SLC25A21: variants seen among roughly 807,000 people sequenced by gnomAD.
SLC25A21 encodes the protein solute carrier family 25 member 21, also known as mitochondrial 2-oxodicarboxylate carrier.
A neutral mutation model predicts 43.8 loss-of-function variants in SLC25A21; 47 were observed. The ratio of observed to expected loss-of-function variants is 1.07; its 90% CI spans 0.85 to 1.37. The LOEUF (loss-of-function observed/expected upper bound fraction) is 1.37. Ranked by LOEUF, SLC25A21 falls within the 40% of genes most tolerant of loss-of-function variation. SLC25A21 has a pLI of 0.00. For synonymous variants in SLC25A21, 131 were observed against 121.3 expected (o/e 1.08, Z -0.52); for missense variants, 352 against 350.2 (o/e 1.00, Z -0.04).
intron 1 of SLC25A21, among the ~76,000 whole-genome samples, chr14:36,959,737 A>T (rs776015866): frequency 7.2e-5 from 11 of 152,166 alleles, no homozygotes; most frequent in Non-Finnish European, 1.3e-4. Flanking sequence ...CGGTAAACAG[A>T]CCAACACATG....
At chr14:37,073,429 T>G (rs1028008587) in intron 1 of SLC25A21, among the ~76,000 whole-genome samples, 7 of 152,198 alleles carry the variant, frequency 4.6e-5, no homozygotes, top group Non-Finnish European at 1.0e-4. Flanking sequence ...TTGTCCAGGC[T>G]GCTCCTGTCC....
intron 2 of SLC25A21, among the ~76,000 whole-genome samples, chr14:36,865,887 G>C (rs990694619): frequency 1.4e-5 from 2 of 141,788 alleles, no homozygotes; most frequent in Non-Finnish European, 3.2e-5. Flanking sequence ...CAACTCATGT[G>C]AGTCTTCAGA....
intron 1 of SLC25A21, among the ~76,000 whole-genome samples, chr14:36,915,874 T>C (rs535245849): frequency 2.0e-5 from 3 of 152,244 alleles, no homozygotes; most frequent in African/African-American, 7.2e-5. Flanking sequence ...GAAAAGACCC[T>C]GAAGGACATG....
intron 1 of SLC25A21, among the ~76,000 whole-genome samples, chr14:36,971,429 G>A (rs1045568947): frequency 3.3e-5 from 5 of 152,052 alleles, no homozygotes; most frequent in Admixed American, 6.6e-5. Context: ...CAGACAAGAT[G>A]GCGCTGGCCA....
At chr14:36,709,140 TG>T (rs1883718672) in intron 7 of SLC25A21, among the ~76,000 whole-genome samples, 1 of 152,152 alleles carries the variant, frequency 6.6e-6, no homozygotes, top group Non-Finnish European at 1.5e-5. Context: ...CCCGAGTAGC[TG>T]GGATTACAGG....
chr14:36,835,760 T>C (rs1889187888), intron 2 of SLC25A21, among the ~76,000 whole-genome samples: 1 of 152,238 alleles, frequency 6.6e-6, no homozygotes, highest in Admixed American at 6.5e-5. Context: ...AGATTTTTCC[T>C]AAAATAATAG....
chr14:36,680,815 G>A, intron 9 of SLC25A21, 96 bp from the exon 10 acceptor site: 3 of 1,062,916 alleles, frequency 2.8e-6, no homozygotes, highest in Non-Finnish European at 4.2e-6. Context: ...CGCACAGCCT[G>A]TCAGGCAGAG....
chr14:36,751,892 A>G (rs907598281), intron 3 of SLC25A21, among the ~76,000 whole-genome samples: 1 of 152,246 alleles, frequency 6.6e-6, no homozygotes, highest in African/African-American at 2.4e-5. Context: ...TGCCTCAGGC[A>G]AATAATTGAG....
At chr14:37,151,007 C>T (rs1322155635) in intron 1 of SLC25A21, among the ~76,000 whole-genome samples, 1 of 151,986 alleles carries the variant, frequency 6.6e-6, no homozygotes, top group Non-Finnish European at 1.5e-5. Flanking sequence ...GAAATATTAG[C>T]ACATTGGTAG....
At chr14:36,700,343 T>C (rs1414960627) in intron 7 of SLC25A21, among the ~76,000 whole-genome samples, 1 of 152,244 alleles carries the variant, frequency 6.6e-6, no homozygotes, top group African/African-American at 2.4e-5. Context: ...TTGATCCTAG[T>C]GTACTCTGCA....
At chr14:36,767,750 C>G (rs189120995) in intron 3 of SLC25A21, among the ~76,000 whole-genome samples, 4 of 152,272 alleles carry the variant, frequency 2.6e-5, no homozygotes, top group African/African-American at 9.6e-5. Flanking sequence ...GAATCAGGCT[C>G]TATTGTAACT....
At chr14:36,881,411 T>G (rs1594664437) in intron 1 of SLC25A21, among the ~76,000 whole-genome samples, 1 of 152,150 alleles carries the variant, frequency 6.6e-6, no homozygotes, top group African/African-American at 2.4e-5. Context: ...ACTTTGCCCA[T>G]GACCACTGAT....
intron 1 of SLC25A21, among the ~76,000 whole-genome samples, chr14:37,003,985 C>G (rs1386034341): frequency 6.6e-6 from 1 of 152,116 alleles, no homozygotes; most frequent in Non-Finnish European, 1.5e-5. Flanking sequence ...ATCACTCCCA[C>G]CAAAGCCAAT....
intron 3 of SLC25A21, among the ~76,000 whole-genome samples, chr14:36,766,854 T>C (rs1239327902): frequency 6.6e-6 from 1 of 152,184 alleles, no homozygotes; most frequent in Non-Finnish European, 1.5e-5. Flanking sequence ...GACGTTAGGA[T>C]TGGCATGAGG....
At chr14:37,075,653 T>G (rs993504137) in intron 1 of SLC25A21, among the ~76,000 whole-genome samples, 1 of 152,144 alleles carries the variant, frequency 6.6e-6, no homozygotes, top group Non-Finnish European at 1.5e-5. Flanking sequence ...TTAAAAGAAG[T>G]AAAATAAAGA....
chr14:36,965,819 T>G (rs887633002), intron 1 of SLC25A21, among the ~76,000 whole-genome samples: 1 of 152,172 alleles, frequency 6.6e-6, no homozygotes, highest in Non-Finnish European at 1.5e-5. Flanking sequence ...TTTGTGAATA[T>G]ACTTTGGTTT....
intron 1 of SLC25A21, among the ~76,000 whole-genome samples, chr14:37,087,561 T>C (rs1962508708): frequency 6.6e-6 from 1 of 152,208 alleles, no homozygotes; most frequent in Admixed American, 6.5e-5. Context: ...TTTATTTTCA[T>C]AAGTAGATGC....
chr14:36,872,046 A>G (rs1174515371), intron 2 of SLC25A21, among the ~76,000 whole-genome samples: 1 of 152,192 alleles, frequency 6.6e-6, no homozygotes, highest in Non-Finnish European at 1.5e-5. Context: ...GTATTCACGT[A>G]AGCTATTTAA....
At position 36,894,717 on chromosome 14, in the gene SLC25A21, A is replaced by C. The variant is rs185412057; in HGVS notation, c.71-19713T>G. Among the ~76,000 whole-genome samples the C allele has an allele frequency of 1.1e-4, 17 of 152,292 alleles. No individual in the cohort carries two copies. In the East Asian group the frequency reaches 3.1e-3, roughly 28 times the overall value. On this transcript the variant is annotated intron_variant, in intron 1 of 9. Coordinates refer to ENST00000331299, the MANE Select transcript of SLC25A21 (RefSeq NM_030631.4). ...CTATTATTTTGAGATACTTCCCATC[A>C]ATACCTAATTTATTGAGAGTTTTTA...
Sources: allele counts gnomAD v4.1 joint callset (sites outside exome capture counted in the v4.1 genomes callset), GRCh38; gene constraint gnomAD v4.1.1; transcripts MANE v1.5; gene names NCBI Gene and HGNC (gene_info 2026-07-23, HGNC 2026-07-21).